DCAF8: variants seen among roughly 807,000 people sequenced by gnomAD.
DCAF8 encodes DDB1- and CUL4-associated factor 8.
A neutral mutation model predicts 68.0 loss-of-function variants in DCAF8; 20 were observed. That is an observed-to-expected ratio of 0.29 (90% CI 0.21 to 0.43). DCAF8 has a LOEUF of 0.43. Ranked by LOEUF, DCAF8 falls within the 20% of genes least tolerant of loss-of-function variation. The probability of loss-of-function intolerance (pLI) is 1.00; values close to 1 mark genes in which losing one functional copy is unlikely to be tolerated. For synonymous variants in DCAF8, 230 were observed against 276.9 expected, an observed-to-expected ratio of 0.83 and a Z score of 1.68; for missense variants, 460 against 771.0, an observed-to-expected ratio of 0.60 and a Z score of 4.78.
At chr1:160,247,756 T>A (rs1656400603) in intron 2 of DCAF8, among the ~76,000 whole-genome samples, 1 of 152,188 alleles carries the variant, frequency 6.6e-6, no homozygotes, top group Admixed American at 6.5e-5. Flanking sequence ...TAATTTGGGA[T>A]GCTCAACTTG....
At chr1:160,224,081 T>G (rs1655388064) in intron 10 of DCAF8, among the ~76,000 whole-genome samples, 1 of 152,180 alleles carries the variant, frequency 6.6e-6, no homozygotes, top group African/African-American at 2.4e-5. Flanking sequence ...CCTAGAGGTA[T>G]AAGGTCACTC....
At chr1:160,240,968 T>C (rs1161501628) in intron 3 of DCAF8, among the ~76,000 whole-genome samples, 1 of 152,034 alleles carries the variant, frequency 6.6e-6, no homozygotes, top group Non-Finnish European at 1.5e-5. Context: ...ATCGAGACCA[T>C]CCTGGCTAAC....
intron 11 of DCAF8, among the ~76,000 whole-genome samples, chr1:160,221,817 C>CAA (rs58539770): frequency 0.011 from 673 of 61,518 alleles, 16 homozygotes; most frequent in African/African-American, 0.03. Context: ...TTCTAGGTCT[C>CAA]AAAAAAAAAA....
At chr1:160,217,760 G>C in intron 13 of DCAF8, 52 bp from the exon 14 acceptor site, 1 of 1,451,884 alleles carries the variant, frequency 6.9e-7, no homozygotes, top group Non-Finnish European at 9.7e-7. Flanking sequence ...ACAAGGACAA[G>C]CCTGTTAGGT....
At chr1:160,226,027 A>G (rs977224761) in intron 7 of DCAF8, among the ~76,000 whole-genome samples, 2 of 152,170 alleles carry the variant, frequency 1.3e-5, no homozygotes, top group Non-Finnish European at 2.9e-5. Context: ...TATTTTTAGT[A>G]GAGACAGAGT....
At chr1:160,217,826 G>T in intron 13 of DCAF8, 118 bp from the exon 14 acceptor site, 1 of 730,726 alleles carries the variant, frequency 1.4e-6, no homozygotes, top group Non-Finnish European at 2.4e-6. Context: ...TTCTTAAAGG[G>T]CCAGAGAGTA....
chr1:160,220,020 A>T (rs1655246744), intron 11 of DCAF8: 1 of 152,276 alleles, frequency 6.6e-6, no homozygotes. Context: ...GCTGAGGAGA[A>T]GTCAAGGGCA....
intron 4 of DCAF8, 26 bp from the exon 5 acceptor site, chr1:160,238,773 GAC>G (rs766728797): frequency 1.3e-6 from 2 of 1,576,982 alleles, no homozygotes; most frequent in African/African-American, 2.7e-5. Flanking sequence ...TGAAAAAAAG[GAC>G]ACACAAAAGA....
intron 12 of DCAF8, 67 bp downstream of exon 12, chr1:160,218,782 A>G (rs1392156412): frequency 2.5e-6 from 4 of 1,597,518 alleles, no homozygotes; most frequent in Admixed American, 3.4e-5. Flanking sequence ...ATTCCTCCCT[A>G]TGACAATAAG....
intron 2 of DCAF8, among the ~76,000 whole-genome samples, chr1:160,247,490 ACTGGGGCTG>A (rs944932144): frequency 6.6e-6 from 1 of 152,224 alleles, no homozygotes; most frequent in African/African-American, 2.4e-5. Flanking sequence ...GTTTAAAACT[ACTGGGGCTG>A]CTCTTTTCCT....
chr1:160,232,725 T>G (rs1266027517), intron 6 of DCAF8, among the ~76,000 whole-genome samples: 2 of 151,676 alleles, frequency 1.3e-5, no homozygotes, highest in African/African-American at 4.8e-5. Context: ...GGCTGAGGTG[T>G]GAGGATTCCT....
chr1:160,238,416 C>G (rs985819531), intron 5 of DCAF8, among the ~76,000 whole-genome samples, 191 bp downstream of exon 5: 2 of 152,212 alleles, frequency 1.3e-5, no homozygotes, highest in African/African-American at 4.8e-5. Context: ...AGGGACTTTT[C>G]AGATACTTGC....
intron 2 of DCAF8, among the ~76,000 whole-genome samples, chr1:160,245,498 A>G (rs1656286688): frequency 6.6e-6 from 1 of 152,182 alleles, no homozygotes; most frequent in African/African-American, 2.4e-5. Context: ...TGCTTCATTA[A>G]AAGTATCCTC....
At chr1:160,243,481 C>A (rs1248617842) in intron 3 of DCAF8, among the ~76,000 whole-genome samples, 1 of 150,178 alleles carries the variant, frequency 6.7e-6, no homozygotes, top group African/African-American at 2.5e-5. Flanking sequence ...TGGGCTCAAG[C>A]GATCTGCCTG....
intron 6 of DCAF8, among the ~76,000 whole-genome samples, chr1:160,236,275 CATACAT>C (rs1430407118): frequency 7.0e-6 from 1 of 142,392 alleles, no homozygotes; most frequent in Admixed American, 6.9e-5. Context: ...CACACACACA[CATACAT>C]ACACGTACGT....
intron 2 of DCAF8, among the ~76,000 whole-genome samples, chr1:160,246,765 C>T (rs1174976593): frequency 6.6e-6 from 1 of 152,114 alleles, no homozygotes; most frequent in East Asian, 1.9e-4. Flanking sequence ...GAGTTGGAGA[C>T]CAGCCTGGGC....
chr1:160,240,883 G>C (rs1656087043), intron 3 of DCAF8, among the ~76,000 whole-genome samples: 2 of 152,190 alleles, frequency 1.3e-5, no homozygotes. Flanking sequence ...GAAAGTATCA[G>C]GCCAGGCACG....
chr1:160,242,278 A>T (rs1656147658), intron 3 of DCAF8, among the ~76,000 whole-genome samples: 2 of 151,732 alleles, frequency 1.3e-5, no homozygotes, highest in Non-Finnish European at 2.9e-5. Flanking sequence ...CTAAGAGCAC[A>T]GTATAAAACA....
intron 5 of DCAF8, 84 bp downstream of exon 5, chr1:160,238,523 C>A (rs1655970996): frequency 3.5e-6 from 5 of 1,416,856 alleles, no homozygotes; most frequent in Non-Finnish European, 4.7e-6. Flanking sequence ...AAATGTGACA[C>A]AATGGGCAGA....
Sources: gnomAD v4.1 joint callset for allele counts (sites outside exome capture counted in the v4.1 genomes callset) on GRCh38, gnomAD v4.1.1 for gene constraint, MANE v1.5 for transcripts, NCBI Gene and HGNC (gene_info 2026-07-23, HGNC 2026-07-21) for gene names.